Variants in TBC1D14 observed in about 807,000 individuals in gnomAD.
TBC1D14 encodes TBC1 domain family member 14.
Under a neutral mutation model 79.0 loss-of-function variants are expected in TBC1D14, and 26 were observed. The observed-to-expected ratio is 0.33, with a 90% CI of 0.24 to 0.46. The LOEUF (loss-of-function observed/expected upper bound fraction) is 0.46, where lower values mean the gene tolerates loss of function less well. Ranked by LOEUF, TBC1D14 falls within the 20% of genes least tolerant of loss-of-function variation. TBC1D14 has a pLI of 1.00. For missense variants in TBC1D14, 769 were observed against 887.6 expected (o/e 0.87, Z 1.70); for synonymous variants, 394 against 349.9 (o/e 1.13, Z -1.40).
At chr4:6,949,152 C>T (rs1018212822) in intron 2 of TBC1D14, among the ~76,000 whole-genome samples, 3 of 151,830 alleles carry the variant, frequency 2.0e-5, no homozygotes, top group African/African-American at 4.8e-5. Flanking sequence ...CCAGCCAGGG[C>T]AACAGAGTGA....
chr4:6,983,420 T>C (rs1717554334), intron 3 of TBC1D14, among the ~76,000 whole-genome samples: 2 of 152,158 alleles, frequency 1.3e-5, no homozygotes, highest in Non-Finnish European at 2.9e-5. Flanking sequence ...AGAGGTGTGC[T>C]ACAAATTTTA....
intron 9 of TBC1D14, among the ~76,000 whole-genome samples, chr4:7,008,865 T>A (rs2109241092): frequency 6.6e-6 from 1 of 152,366 alleles, no homozygotes; most frequent in Non-Finnish European, 1.5e-5. Context: ...TTGTTTAGCC[T>A]TGGCCTGGAT....
At chr4:6,961,122 TTAC>T (rs1715153379) in intron 2 of TBC1D14, among the ~76,000 whole-genome samples, 1 of 152,184 alleles carries the variant, frequency 6.6e-6, no homozygotes, top group Admixed American at 6.5e-5. Context: ...CTTTTCCCCA[TTAC>T]TTTGCAAGTC....
chr4:7,010,544 AGGG>A, intron 10 of TBC1D14, 106 bp from the exon 11 acceptor site: 1 of 1,369,522 alleles, frequency 7.3e-7, no homozygotes, highest in South Asian at 1.4e-5. Flanking sequence ...GGGCGGCTCT[AGGG>A]ACACTTCTAG....
intron 1 of TBC1D14, among the ~76,000 whole-genome samples, chr4:6,919,766 G>T (rs1039770284): frequency 1.3e-5 from 2 of 151,818 alleles, no homozygotes; most frequent in African/African-American, 2.4e-5. Context: ...GATTACAGGC[G>T]TGCGCCACCA....
rs373560249 is a variant in TBC1D14, at chr4:6,999,117, C to G, written c.1078C>G (p.Leu360Val). 12 of 1,614,022 alleles carry G rather than the reference C, an allele frequency of 7.4e-6. No homozygotes were observed. The highest frequency in any genetic ancestry group is 9.3e-6 in the Non-Finnish European group (11 of 1,180,008). ...LKEAQRRKKQLEERCRVEESI... is the reference protein window; with the variant it reads ...LKEAQRRKKQVEERCRVEESI... ...AGAAGCCCAGCGAAGGAAGAAGCAG[C>G]TGGAAGAAAGATGCAGAGTCGAGGA... Residue 360 changes from leucine to valine, a missense_variant, in exon 6 of 14, where the codon CTG becomes GTG. By Grantham distance (32) the Leu-to-Val change is conservative. Around this residue, in one of 2 missense-constraint regions of TBC1D14, gnomAD observed 367 missense variants for 494.4 expected, o/e 0.74. Coordinates refer to ENST00000409757, the MANE Select transcript of TBC1D14 (RefSeq NM_020773.3).
intron 2 of TBC1D14, among the ~76,000 whole-genome samples, chr4:6,952,015 C>T (rs1249219903): frequency 6.6e-6 from 1 of 152,090 alleles, no homozygotes; most frequent in African/African-American, 2.4e-5. Context: ...AGGCTGTTGT[C>T]GTGGTTATGC....
At chr4:7,014,722 G>A (rs952258268) in intron 12 of TBC1D14, among the ~76,000 whole-genome samples, 165 bp downstream of exon 12, 3 of 152,138 alleles carry the variant, frequency 2.0e-5, no homozygotes, top group African/African-American at 7.2e-5. Context: ...CAGTGCCTCC[G>A]CCTGGCCCTC....
chr4:7,024,678 G>T (rs1385672919), intron 12 of TBC1D14, among the ~76,000 whole-genome samples: 3 of 152,212 alleles, frequency 2.0e-5, no homozygotes, highest in African/African-American at 7.2e-5. Context: ...GGGTGGCGCG[G>T]CGTACAGCGG....
chr4:6,965,375 A>C (rs1715611617), intron 2 of TBC1D14, among the ~76,000 whole-genome samples: 1 of 152,014 alleles, frequency 6.6e-6, no homozygotes, highest in Non-Finnish European at 1.5e-5. Flanking sequence ...CTTTGTTTTC[A>C]TGACATTGAC....
In TBC1D14 at chr4:6,970,272, G is replaced by A. The variant is rs187923880; in HGVS notation, c.843+2848G>A. On this transcript the variant is annotated intron_variant, in intron 3 of 13. Transcript: ENST00000409757. ...TTAGACTACCAGGGTTTGTATCCCA[G>A]CTCTGCTACGGTTTGGTTGTGTGAC... 9.8e-5 allele frequency among the ~76,000 whole-genome samples: 15 copies of A among 152,336 alleles called. No individual in the cohort carries two copies. The East Asian group carries it at 2.7e-3, about 27-fold the overall frequency.
At position 6,942,715 on chromosome 4, in the gene TBC1D14, C is replaced by G. The variant is rs558485658; in HGVS notation, c.722+18604C>G. On this transcript the variant is annotated intron_variant, in intron 2 of 13. Coordinates refer to ENST00000409757, the MANE Select transcript of TBC1D14 (RefSeq NM_020773.3). ...GCGGGTCAAAAGGAGTGGGCTCTGCCTTCCCCGCCCCCACATCCTGCAGAA... is the reference window on the plus strand; with the variant it reads ...GCGGGTCAAAAGGAGTGGGCTCTGCGTTCCCCGCCCCCACATCCTGCAGAA... Among the ~76,000 whole-genome samples, 21 of 152,244 alleles carry G rather than the reference C, an allele frequency of 1.4e-4. No individual in the cohort carries two copies. The South Asian group carries it at 4.4e-3, about 32-fold the overall frequency.
intron 3 of TBC1D14, chr4:6,987,024 G>C: frequency 2.5e-6 from 1 of 407,970 alleles, no homozygotes; most frequent in Non-Finnish European, 3.8e-6. Context: ...TCCGCCTGTC[G>C]GCGCGCGTCC....
At chr4:6,927,870 C>T (rs775196017) in intron 2 of TBC1D14, among the ~76,000 whole-genome samples, 9 of 152,144 alleles carry the variant, frequency 5.9e-5, no homozygotes, top group Non-Finnish European at 1.0e-4. Flanking sequence ...AATTTGAGGA[C>T]GATTTTCATT....
intron 1 of TBC1D14, among the ~76,000 whole-genome samples, chr4:6,915,184 G>A (rs895861774): frequency 5.3e-5 from 8 of 152,168 alleles, no homozygotes; most frequent in Non-Finnish European, 8.8e-5. Flanking sequence ...CTCTTGAACC[G>A]TGCTGCCCTC....
intron 1 of TBC1D14, among the ~76,000 whole-genome samples, chr4:6,913,349 G>A (rs1723149515): frequency 6.6e-6 from 1 of 152,242 alleles, no homozygotes; most frequent in Admixed American, 6.5e-5. Flanking sequence ...AGAAGTGTAA[G>A]AATGGTTAAG....
At chr4:6,981,320 A>T (rs979366628) in intron 3 of TBC1D14, among the ~76,000 whole-genome samples, 1 of 152,180 alleles carries the variant, frequency 6.6e-6, no homozygotes, top group African/African-American at 2.4e-5. Context: ...GTACTGCACC[A>T]GCCACATAAA....
intron 1 of TBC1D14, among the ~76,000 whole-genome samples, chr4:6,911,736 G>C (rs1723011003): frequency 6.6e-6 from 1 of 152,172 alleles, no homozygotes; most frequent in Non-Finnish European, 1.5e-5. Flanking sequence ...TCAAAGTGGG[G>C]ACACAGCTAG....
chr4:7,019,399 G>A (rs1341948456), intron 12 of TBC1D14, among the ~76,000 whole-genome samples: 1 of 152,164 alleles, frequency 6.6e-6, no homozygotes, highest in Non-Finnish European at 1.5e-5. Flanking sequence ...TTGCACTTGG[G>A]TCGTCTCTGG....
Sources: gnomAD v4.1 joint callset for allele counts (sites outside exome capture counted in the v4.1 genomes callset) on GRCh38, gnomAD v4.1.1 for gene constraint, gnomAD v4.1.1 regional missense constraint, MANE v1.5 for transcripts, NCBI Gene and HGNC (gene_info 2026-07-23, HGNC 2026-07-21) for gene names.